The following FIG4 variants were observed in gnomAD, a reference collection of about 807,000 sequenced individuals.
FIG4 encodes polyphosphoinositide phosphatase.
FIG4 carries 112 observed loss-of-function variants against 118.6 expected under a neutral mutation model. The observed-to-expected ratio is 0.94, with a 90% CI of 0.81 to 1.11. The LOEUF (loss-of-function observed/expected upper bound fraction) is 1.11. Among genes scored for constraint, FIG4 ranks in the 50% least tolerant of loss-of-function variants. FIG4 has a pLI of 0.00. For missense variants in FIG4, 969 were observed against 1,111.7 expected (o/e 0.87, Z 1.83); for synonymous variants, 369 against 381.2 (o/e 0.97, Z 0.37).
intron 3 of FIG4, among the ~76,000 whole-genome samples, chr6:109,724,614 G>T (rs1775732576): frequency 6.6e-6 from 1 of 152,142 alleles, no homozygotes; most frequent in Non-Finnish European, 1.5e-5. Context: ...TTCAGCCACT[G>T]TGCATGGTAT....
At chr6:109,785,308 A>G (rs1286116894) in intron 17 of FIG4, among the ~76,000 whole-genome samples, 2 of 152,186 alleles carry the variant, frequency 1.3e-5, no homozygotes, top group Admixed American at 6.5e-5. Flanking sequence ...TCAGTAAAAT[A>G]TGATATATCG....
chr6:109,761,767 T>C (rs1777115372), intron 11 of FIG4, among the ~76,000 whole-genome samples: 1 of 152,182 alleles, frequency 6.6e-6, no homozygotes, highest in South Asian at 2.1e-4. Flanking sequence ...GTTTTATGAA[T>C]GTATATTGAC....
At chr6:109,804,614 A>G (rs999922405) in intron 22 of FIG4, among the ~76,000 whole-genome samples, 1 of 152,206 alleles carries the variant, frequency 6.6e-6, no homozygotes, top group African/African-American at 2.4e-5. Context: ...ATCTTTTAGT[A>G]TTATATAAGC....
At chr6:109,728,239 A>T (rs375976700) in intron 4 of FIG4, among the ~76,000 whole-genome samples, 6 of 152,210 alleles carry the variant, frequency 3.9e-5, no homozygotes, top group African/African-American at 1.4e-4. Context: ...GAGAGATAAT[A>T]TTTGTTTATG....
chr6:109,763,545 T>C (rs1777176732), intron 12 of FIG4, among the ~76,000 whole-genome samples: 2 of 152,092 alleles, frequency 1.3e-5, no homozygotes, highest in Non-Finnish European at 2.9e-5. Flanking sequence ...AATCCTAATG[T>C]TGAGTTGGGA....
At chr6:109,796,184 G>A (rs150285877) in intron 21 of FIG4, among the ~76,000 whole-genome samples, 89 of 152,324 alleles carry the variant, frequency 5.8e-4, no homozygotes, top group African/African-American at 2.0e-3. Flanking sequence ...TCATCAGTGG[G>A]TCTCCCCAAC....
chr6:109,748,962 C>G (rs771412966), intron 10 of FIG4, among the ~76,000 whole-genome samples: 38 of 151,728 alleles, frequency 2.5e-4, no homozygotes, highest in Non-Finnish European at 5.1e-4. Context: ...ACAGCCAAAC[C>G]ATATCACCCA....
intron 14 of FIG4, 89 bp downstream of exon 14, chr6:109,765,250 CT>C: frequency 2.0e-6 from 2 of 1,022,924 alleles, no homozygotes; most frequent in East Asian, 2.5e-5. Flanking sequence ...AGCGTTTCTA[CT>C]TTTAGCTTCT....
intron 22 of FIG4, among the ~76,000 whole-genome samples, chr6:109,814,653 A>G (rs1478673637): frequency 2.0e-5 from 3 of 152,050 alleles, no homozygotes; most frequent in African/African-American, 7.2e-5. Context: ...TGTTACTGAC[A>G]TTATTTGTTG....
Position 109,691,383 on chromosome 6 carries a change from T to G in FIG4, c.-53T>G, listed in dbSNP as rs1774374938. The G allele has an allele frequency of 4.0e-6, 6 of 1,481,594 alleles. No individual in the cohort carries two copies. Among genetic ancestry groups the G allele is most frequent in the Non-Finnish European group, 2.8e-6 (3 of 1,082,192 alleles). 91.8% of individuals were successfully genotyped at this position (1,481,594 alleles called of 1,614,324 possible). A position where few individuals can be genotyped will look rare whatever the true frequency, so the allele number is the denominator to read the frequency against. ...TGAGGGGTTTTCTCGCCGAGTCTCC[T>G]GGGGCGGTCCGGAGGCTCGTGCCCT... On this transcript the variant is annotated 5_prime_UTR_variant, in exon 1 of 23. Transcript: ENST00000230124.
At chr6:109,821,323 G>T (rs1375646867) in intron 22 of FIG4, among the ~76,000 whole-genome samples, 3 of 152,174 alleles carry the variant, frequency 2.0e-5, no homozygotes, top group African/African-American at 7.2e-5. Context: ...AATCTTTCCT[G>T]AGCAACATCT....
rs112727135 is a variant in FIG4 at position 109,741,174 on chromosome 6, C to T, written c.776-270C>T. Among the ~76,000 whole-genome samples the T allele has an allele frequency of 0.01, 1,593 of 152,212 alleles. 29 individuals carry two copies. Among genetic ancestry groups the T allele is most frequent in the African/African-American group, 0.037 (1,523 of 41,518 alleles). ...CATCCTTACTTGGCCATAGGGCTTT[C>T]CTTGGCCAGTAACCCTACACCTGGT... On this transcript the variant is annotated intron_variant, in intron 7 of 22. Coordinates refer to ENST00000230124, the MANE Select transcript of FIG4 (RefSeq NM_014845.6).
chr6:109,722,804 G>A (rs1418549137), intron 3 of FIG4, among the ~76,000 whole-genome samples: 2 of 152,044 alleles, frequency 1.3e-5, no homozygotes, highest in Non-Finnish European at 2.9e-5. Flanking sequence ...GTCGGTGCTT[G>A]GTTGAAGGAA....
chr6:109,813,416 T>C (rs2128400779), intron 22 of FIG4, among the ~76,000 whole-genome samples: 1 of 152,346 alleles, frequency 6.6e-6, no homozygotes, highest in African/African-American at 2.4e-5. Flanking sequence ...ATGTCCTTAA[T>C]TGCAAAGGGA....
intron 6 of FIG4, among the ~76,000 whole-genome samples, chr6:109,735,635 C>G (rs1185912626): frequency 6.6e-6 from 1 of 152,090 alleles, no homozygotes; most frequent in Non-Finnish European, 1.5e-5. Context: ...GTAATACACA[C>G]TACTTATTTT....
In FIG4 at chr6:109,825,347, A is replaced by G; in HGVS notation, c.*82A>G. 1 of 1,334,590 alleles carries G rather than the reference A, an allele frequency of 7.5e-7. No individual in the cohort carries two copies. The highest frequency in any genetic ancestry group is 1.2e-5 in the South Asian group (1 of 83,554). 82.7% of individuals were successfully genotyped at this position (1,334,590 alleles called of 1,614,324 possible). ...TCATCTTCAAAAGGTAACTTATTAA[A>G]AGTCCTTTGCGTCTGAAGCCTTTCT... On this transcript the variant is annotated 3_prime_UTR_variant, in exon 23 of 23. Coordinates refer to ENST00000230124, the MANE Select transcript of FIG4 (RefSeq NM_014845.6).
At chr6:109,774,476 A>C (rs1050210401) in intron 15 of FIG4, among the ~76,000 whole-genome samples, 6 of 152,082 alleles carry the variant, frequency 3.9e-5, no homozygotes, top group Non-Finnish European at 5.9e-5. Context: ...AAGCAAATTT[A>C]TTAGGTCAGA....
chr6:109,794,484 G>T (rs1168071277), intron 21 of FIG4, among the ~76,000 whole-genome samples: 1 of 152,176 alleles, frequency 6.6e-6, no homozygotes, highest in Non-Finnish European at 1.5e-5. Flanking sequence ...GCCTGCCCTG[G>T]AATATCTCCC....
At chr6:109,769,458 A>G (rs1777391751) in intron 15 of FIG4, among the ~76,000 whole-genome samples, 1 of 152,156 alleles carries the variant, frequency 6.6e-6, no homozygotes, top group Non-Finnish European at 1.5e-5. Context: ...AAGAAGCATG[A>G]TATCATTGGG....
Sources: allele counts gnomAD v4.1 joint callset (sites outside exome capture counted in the v4.1 genomes callset), GRCh38; gene constraint gnomAD v4.1.1; transcripts MANE v1.5; gene names NCBI Gene and HGNC (gene_info 2026-07-23, HGNC 2026-07-21).